ACBD3: variants seen among roughly 807,000 people sequenced by gnomAD.
The protein encoded by ACBD3 is acyl-CoA binding domain containing 3.
ACBD3 carries 30 observed loss-of-function variants against 66.9 expected under a neutral mutation model. The ratio of observed to expected loss-of-function variants is 0.45; its 90% CI spans 0.34 to 0.61. ACBD3 has a LOEUF of 0.61. ACBD3 is among the 20% of genes least tolerant of loss of function. The pLI is 0.02. For missense variants in ACBD3, 544 were observed against 664.5 expected (o/e 0.82, Z 1.99); for synonymous variants, 278 against 259.8 (o/e 1.07, Z -0.68).
At chr1:226,156,788 C>T (rs1369201910) in intron 5 of ACBD3, among the ~76,000 whole-genome samples, 1 of 152,100 alleles carries the variant, frequency 6.6e-6, no homozygotes, top group Non-Finnish European at 1.5e-5. Flanking sequence ...TACCTAAAAT[C>T]AAAACAAGTC....
intron 1 of ACBD3, among the ~76,000 whole-genome samples, chr1:226,168,130 T>C (rs1198570664): frequency 6.6e-6 from 1 of 152,206 alleles, no homozygotes; most frequent in South Asian, 2.1e-4. Context: ...ATAAATTAGA[T>C]ACAATAAGAG....
In ACBD3 at chr1:226,164,872, G is replaced by C. The variant is rs1659842975; in HGVS notation, c.486C>G (p.Val162=). 7 of 1,610,472 alleles carry C rather than the reference G, an allele frequency of 4.3e-6. No individual in the cohort carries two copies. Among genetic ancestry groups the C allele is most frequent in the Non-Finnish European group, 5.9e-6 (7 of 1,178,408 alleles). Residue 162 remains valine, a synonymous_variant, in exon 3 of 8, where the codon GTC becomes GTG. Transcript: ENST00000366812. ...MSKEDAMVEF[V]KLLNRCCHLF... is the part of the protein sequence containing the mutation. ...GATGGCAACACCTATTTAAGAGCTT[G>C]ACAAACTCCACCATGGCATCCTCTT... is the stretch of plus-strand genomic sequence containing the variant.
intron 1 of ACBD3, among the ~76,000 whole-genome samples, chr1:226,185,189 T>C (rs911410792): frequency 3.3e-5 from 5 of 152,100 alleles, no homozygotes; most frequent in African/African-American, 9.7e-5. Context: ...CATTACCAAT[T>C]CCCCAAGCTA....
rs778679937 is a variant in ACBD3, at chr1:226,161,605, T to C, written c.654A>G (p.Glu218=). ...CTTCCTCCCGTCGAAGCCTTTCCTC[T>C]TCTTCTCTCCTACGTTTCTCTTCCT... ...QKEEEKRRRE[E]EERLRREEEE... is the part of the protein sequence containing the mutation. The change falls in exon 4 of 8, where the codon GAA becomes GAG. Residue 218 remains glutamate (E), a synonymous_variant. Coordinates refer to ENST00000366812, the MANE Select transcript of ACBD3 (RefSeq NM_022735.4). The C allele has an allele frequency of 1.4e-5, 22 of 1,613,954 alleles. No homozygotes were observed. Among genetic ancestry groups the C allele is most frequent in the East Asian group, 6.7e-5 (3 of 44,898 alleles).
chr1:226,164,753 C>T (rs772622765), intron 3 of ACBD3, 36 bp downstream of exon 3: 32 of 1,591,384 alleles, frequency 2.0e-5, no homozygotes, highest in East Asian at 4.5e-5. Context: ...CACTGGGCTG[C>T]GCAGCAATAA....
rs1411743275 is a variant in ACBD3 at position 226,152,447 on chromosome 1, G to C, written c.1263C>G (p.Ala421=). The C allele has an allele frequency of 1.9e-6, 3 of 1,614,036 alleles. No homozygotes were observed. The highest frequency in any genetic ancestry group is 2.5e-6 in the Non-Finnish European group (3 of 1,180,030). The change falls in exon 7 of 8, where the codon GCC becomes GCG. Residue 421 remains alanine, a synonymous_variant. Transcript: ENST00000366812. ...CAAACCCAATGTCATAATTGTCTGT[G>C]GCAAATTCCCAAAAGAGATATGATC... is the stretch of plus-strand genomic sequence containing the variant. ...EEGSYLFWEF[A]TDNYDIGFGV... is the part of the protein sequence containing the mutation.
intron 1 of ACBD3, among the ~76,000 whole-genome samples, chr1:226,169,411 C>G (rs556985527): frequency 6.6e-6 from 1 of 151,920 alleles, no homozygotes; most frequent in Non-Finnish European, 1.5e-5. Flanking sequence ...CCATGCTCGG[C>G]TAATTTTTTT....
At chr1:226,164,639 C>T in intron 3 of ACBD3, 150 bp downstream of exon 3, 1 of 893,614 alleles carries the variant, frequency 1.1e-6, no homozygotes, top group Non-Finnish European at 1.6e-6. Flanking sequence ...TACCTGTTCA[C>T]ATCAGGAAGT....
At chr1:226,177,268 G>C (rs1656061208) in intron 1 of ACBD3, among the ~76,000 whole-genome samples, 1 of 150,020 alleles carries the variant, frequency 6.7e-6, no homozygotes, top group Non-Finnish European at 1.5e-5. Flanking sequence ...TGTGATCTCA[G>C]CTCACTGCAA....
intron 1 of ACBD3, among the ~76,000 whole-genome samples, chr1:226,167,073 G>A (rs1659891247): frequency 6.6e-6 from 1 of 152,076 alleles, no homozygotes; most frequent in African/African-American, 2.4e-5. Flanking sequence ...GGGATTACAG[G>A]TGTGAGCCAC....
chr1:226,161,874 ACAT>A (rs2102780700), intron 3 of ACBD3, among the ~76,000 whole-genome samples, 185 bp from the exon 4 acceptor site: 1 of 152,378 alleles, frequency 6.6e-6, no homozygotes, highest in Non-Finnish European at 1.5e-5. Context: ...TATACAAATC[ACAT>A]CAAGAATAAT....
chr1:226,171,672 G>A (rs1266136523), intron 1 of ACBD3, among the ~76,000 whole-genome samples: 1 of 151,732 alleles, frequency 6.6e-6, no homozygotes, highest in Non-Finnish European at 1.5e-5. Flanking sequence ...TGAGTAGCTG[G>A]GACTACAGGT....
intron 1 of ACBD3, among the ~76,000 whole-genome samples, chr1:226,176,153 C>T (rs984355670): frequency 9.2e-5 from 14 of 152,206 alleles, no homozygotes; most frequent in South Asian, 2.1e-4. Context: ...TGCGGCTGGG[C>T]GTGGTGGCTC....
At chr1:226,156,201 C>T (rs1301806504) in intron 5 of ACBD3, among the ~76,000 whole-genome samples, 3 of 152,168 alleles carry the variant, frequency 2.0e-5, no homozygotes, top group Non-Finnish European at 2.9e-5. Flanking sequence ...TGAAGGGTAA[C>T]AACTATTTGA....
In ACBD3 at chr1:226,186,646, G is replaced by C. The variant is rs772136879; in HGVS notation, c.30C>G (p.Leu10=). The C allele has an allele frequency of 4.2e-5, 63 of 1,514,708 alleles. No individual in the cohort carries two copies. Among genetic ancestry groups the C allele is most frequent in the Non-Finnish European group, 5.3e-5 (60 of 1,138,668 alleles). The allele number at this position is 1,514,708 out of a possible 1,614,324, so 93.8% of individuals were successfully genotyped here. A position where few individuals can be genotyped will look rare whatever the true frequency, so the allele number is the denominator to read the frequency against. ...GCGTGAGGCCGTCGACGGACACCTC[G>C]AGTCGCTCTGCGTTCAGCACCGCCG... The part of the protein sequence containing the change: MAAVLNAER[L]EVSVDGLTLS... The change falls in exon 1 of 8, where the codon CTC becomes CTG. Residue 10 remains leucine, a synonymous_variant. Coordinates refer to ENST00000366812, the MANE Select transcript of ACBD3 (RefSeq NM_022735.4).
chr1:226,156,207 T>C (rs1659668359), intron 5 of ACBD3, among the ~76,000 whole-genome samples: 3 of 152,238 alleles, frequency 2.0e-5, no homozygotes, highest in Admixed American at 2.0e-4. Context: ...GTAACAACTA[T>C]TTGACTTATA....
At chr1:226,150,529 C>A (rs1659550124) in intron 7 of ACBD3, among the ~76,000 whole-genome samples, 1 of 152,152 alleles carries the variant, frequency 6.6e-6, no homozygotes, top group African/African-American at 2.4e-5. Flanking sequence ...CAGGCACCCA[C>A]CACCACGCTC....
At chr1:226,149,576 T>G (rs1235910199) in intron 7 of ACBD3, among the ~76,000 whole-genome samples, 2 of 125,422 alleles carry the variant, frequency 1.6e-5, no homozygotes, top group Admixed American at 9.0e-5. Context: ...GGTCTGGCTC[T>G]GTGGCCCAGG....
intron 1 of ACBD3, among the ~76,000 whole-genome samples, chr1:226,179,392 T>C (rs1656122067): frequency 6.6e-6 from 1 of 152,110 alleles, no homozygotes; most frequent in South Asian, 2.1e-4. Context: ...CCACGGCTTG[T>C]TTGAGGTGTA....
Sources: gnomAD v4.1 joint callset for allele counts (sites outside exome capture counted in the v4.1 genomes callset) on GRCh38, gnomAD v4.1.1 for gene constraint, MANE v1.5 for transcripts, NCBI Gene and HGNC (gene_info 2026-07-23, HGNC 2026-07-21) for gene names.